ERC2: variants seen among roughly 807,000 people sequenced by gnomAD.
The protein encoded by ERC2 is ERC protein 2.
ERC2 carries 42 observed loss-of-function variants against 114.8 expected under a neutral mutation model. The observed-to-expected ratio is 0.37, with a 90% CI of 0.29 to 0.47. The LOEUF is 0.47. Ranked by LOEUF, ERC2 falls within the 20% of genes least tolerant of loss-of-function variation. The pLI, the probability that ERC2 is intolerant of heterozygous loss-of-function variation, is 0.99. For synonymous variants in ERC2, 454 were observed against 425.5 expected (o/e 1.07, Z -0.82); for missense variants, 939 against 1,150.7 (o/e 0.82, Z 2.66).
intron 1 of ERC2, among the ~76,000 whole-genome samples, chr3:56,461,849 T>C (rs1257616255): frequency 6.6e-6 from 1 of 152,208 alleles, no homozygotes; most frequent in Non-Finnish European, 1.5e-5. Flanking sequence ...AACAAAGTTT[T>C]AACAGCTGAA....
intron 1 of ERC2, among the ~76,000 whole-genome samples, chr3:56,463,377 C>G (rs914356458): frequency 1.3e-5 from 2 of 152,240 alleles, no homozygotes; most frequent in African/African-American, 4.8e-5. Context: ...GTGTGTCTCA[C>G]TCACTACATT....
intron 8 of ERC2, among the ~76,000 whole-genome samples, chr3:56,012,839 C>G (rs1201415635): frequency 2.0e-5 from 3 of 152,212 alleles, no homozygotes; most frequent in African/African-American, 7.2e-5. Flanking sequence ...CCATGATGTA[C>G]TTGATTAAAA....
At chr3:56,245,144 T>C (rs974557825) in intron 3 of ERC2, among the ~76,000 whole-genome samples, 1 of 151,704 alleles carries the variant, frequency 6.6e-6, no homozygotes, top group South Asian at 2.1e-4. Flanking sequence ...TCTCAGAACA[T>C]TGCCCCATCA....
intron 17 of ERC2, among the ~76,000 whole-genome samples, chr3:55,527,775 A>G (rs572804397): frequency 6.6e-6 from 1 of 152,328 alleles, no homozygotes; most frequent in East Asian, 1.9e-4. Flanking sequence ...GGGAAAGAAA[A>G]TAAGAGCTAA....
chr3:55,981,992 G>A (rs1458062), intron 12 of ERC2, among the ~76,000 whole-genome samples: 69,179 of 151,996 alleles, frequency 0.46, 16,889 homozygotes, highest in Non-Finnish European at 0.54. Flanking sequence ...GGAAGGCTTT[G>A]GTGGAAGAGG....
At chr3:56,428,885 T>G (rs1047308777) in intron 2 of ERC2, among the ~76,000 whole-genome samples, 6 of 152,202 alleles carry the variant, frequency 3.9e-5, no homozygotes, top group Admixed American at 3.9e-4. Flanking sequence ...ACACGCAAGA[T>G]GGGTAAATAT....
Position 55,911,596 on chromosome 3 carries a change from TC to T in ERC2, c.2404-23048del, listed in dbSNP as rs2064817970. On this transcript the variant is annotated intron_variant, in intron 13 of 17. Transcript: ENST00000288221. ...TATGAAAGGATTTAACACTTTTAGA[TC>T]CCATATTGCTTGGAGGACCACCAAT... Among the ~76,000 whole-genome samples, 4 of 152,346 alleles carry T rather than the reference TC, an allele frequency of 2.6e-5. No homozygotes were observed. The South Asian group carries it at 8.3e-4, about 32-fold the overall frequency.
intron 3 of ERC2, among the ~76,000 whole-genome samples, chr3:56,239,919 A>G (rs947824673): frequency 1.3e-5 from 2 of 152,250 alleles, no homozygotes; most frequent in African/African-American, 4.8e-5. Context: ...TGAAATCTAG[A>G]GTTACACAAT....
intron 4 of ERC2, among the ~76,000 whole-genome samples, chr3:56,153,524 A>G (rs2081541172): frequency 6.6e-6 from 1 of 152,194 alleles, no homozygotes; most frequent in South Asian, 2.1e-4. Flanking sequence ...ATACATTTAG[A>G]AAAACATGAA....
At position 55,683,856 on chromosome 3, in the gene ERC2, C is replaced by T. The variant is rs867199823; in HGVS notation, c.2851G>A (p.Asp951Asn). ...SNHRPSPDQD[D>N]EEGIWA ...GGCTATGCCCATATGCCCTCCTCGTCATCCTGCGGCCGGCCCGAGGTGGGG... is the reference window on the plus strand; with the variant it reads ...GGCTATGCCCATATGCCCTCCTCGTTATCCTGCGGCCGGCCCGAGGTGGGG... Residue 951 changes from aspartate to asparagine, a missense_variant, in exon 17 of 18, where the codon GAC becomes AAC. Asp to Asn is a conservative substitution (Grantham distance 23). Transcript: ENST00000288221. 1 of 1,612,356 alleles carries T rather than the reference C, an allele frequency of 6.2e-7. No homozygotes were observed.
At chr3:55,806,328 CAA>C (rs58267124) in intron 14 of ERC2, among the ~76,000 whole-genome samples, 2,819 of 111,208 alleles carry the variant, frequency 0.025, 90 homozygotes, top group African/African-American at 0.08. Flanking sequence ...AACTCCTTCT[CAA>C]AAAAAAAAAA....
intron 17 of ERC2, among the ~76,000 whole-genome samples, chr3:55,583,884 G>T (rs1050649276): frequency 5.6e-4 from 9 of 16,190 alleles, no homozygotes; most frequent in Admixed American, 1.4e-3. Flanking sequence ...ATGCCAACTT[G>T]CTAGCCCCCC....
rs139365150 is a variant in ERC2 at position 55,687,091 on chromosome 3, C to T, written c.2848-3232G>A. Among the ~76,000 whole-genome samples, 348 of 152,254 alleles carry T rather than the reference C, an allele frequency of 2.3e-3. 2 individuals are homozygous for T. Among genetic ancestry groups the T allele is most frequent in the African/African-American group, 8.0e-3 (331 of 41,526 alleles). The stretch of plus-strand genomic sequence containing the variant: ...AATCCTGTAGTCCCAGATGCTGCGC[C>T]CTAATGGGATTCTGTAAATATTGAG... On this transcript the variant is annotated intron_variant, in intron 16 of 17. Transcript: ENST00000288221.
chr3:56,385,433 G>T (rs972256419), intron 2 of ERC2, among the ~76,000 whole-genome samples: 8 of 152,054 alleles, frequency 5.3e-5, no homozygotes, highest in Non-Finnish European at 7.4e-5. Context: ...GGAAAATACA[G>T]CCAAAGTCCT....
intron 3 of ERC2, among the ~76,000 whole-genome samples, chr3:56,228,541 T>C (rs1262786357): frequency 3.9e-5 from 6 of 152,194 alleles, no homozygotes; most frequent in Non-Finnish European, 8.8e-5. Flanking sequence ...CTTCCTTCCA[T>C]TTTAAGTCTG....
At position 55,614,547 on chromosome 3, in the gene ERC2, A is replaced by T. The variant is rs542437447; in HGVS notation, c.*39+69247T>A. On this transcript the variant is annotated intron_variant, in intron 17 of 17. Transcript: ENST00000288221. Reference sequence around the variant, plus strand: ...TACCCATATTTTTTCTGATAAAATTAAAAAAAAATCCTTTCCCAATTATAT... The same window carrying T: ...TACCCATATTTTTTCTGATAAAATTTAAAAAAAATCCTTTCCCAATTATAT... 1.4e-4 allele frequency among the ~76,000 whole-genome samples: 22 copies of T among 151,952 alleles called. No individual in the cohort carries two copies. In the South Asian group the frequency reaches 1.7e-3, roughly 12 times the overall value.
At chr3:56,050,066 G>A (rs1296455881) in intron 7 of ERC2, among the ~76,000 whole-genome samples, 1 of 152,180 alleles carries the variant, frequency 6.6e-6, no homozygotes, top group African/African-American at 2.4e-5. Context: ...GAGGCTGACT[G>A]CAAAGGGGCA....
At chr3:55,857,543 C>T (rs890008949) in intron 14 of ERC2, among the ~76,000 whole-genome samples, 7 of 152,054 alleles carry the variant, frequency 4.6e-5, no homozygotes, top group African/African-American at 1.7e-4. Context: ...AAGAAAATTG[C>T]TATTCTTCTT....
chr3:56,162,501 C>T (rs1477935453), intron 4 of ERC2, among the ~76,000 whole-genome samples: 1 of 152,128 alleles, frequency 6.6e-6, no homozygotes, highest in African/African-American at 2.4e-5. Context: ...GTGAACCCAT[C>T]CAGTTCAAGG....
Sources: gnomAD v4.1 joint callset for allele counts (sites outside exome capture counted in the v4.1 genomes callset) on GRCh38, gnomAD v4.1.1 for gene constraint, MANE v1.5 for transcripts, NCBI Gene and HGNC (gene_info 2026-07-23, HGNC 2026-07-21) for gene names.